Variants in NRG1 observed in about 807,000 individuals in gnomAD.
The protein encoded by NRG1 is neuregulin 1, also known as pro-neuregulin-1, membrane-bound isoform.
Under a neutral mutation model 63.8 loss-of-function variants are expected in NRG1, and 18 were observed. The ratio of observed to expected loss-of-function variants is 0.28; its 90% CI spans 0.19 to 0.42. NRG1 has a LOEUF of 0.42. Ranked by LOEUF, NRG1 falls within the 10% of genes least tolerant of loss-of-function variation. The pLI is 1.00. For synonymous variants in NRG1, 302 were observed against 301.3 expected, an observed-to-expected ratio of 1.00 and a Z score of -0.02; for missense variants, 762 against 814.7, an observed-to-expected ratio of 0.94 and a Z score of 0.79.
chr8:32,722,423 T>C (rs1189796505), intron 5 of NRG1, among the ~76,000 whole-genome samples: 1 of 152,226 alleles, frequency 6.6e-6, no homozygotes, highest in East Asian at 1.9e-4. Context: ...TACAGTATTA[T>C]TTTCTTTTTA....
At chr8:32,695,715 C>T (rs1321488373) in intron 5 of NRG1, among the ~76,000 whole-genome samples, 1 of 152,182 alleles carries the variant, frequency 6.6e-6, no homozygotes, top group African/African-American at 2.4e-5. Flanking sequence ...TCAAATGGCA[C>T]ATGGTCAGAA....
intron 5 of NRG1, among the ~76,000 whole-genome samples, chr8:32,687,488 T>C (rs1810473067): frequency 6.6e-6 from 1 of 152,192 alleles, no homozygotes; most frequent in Non-Finnish European, 1.5e-5. Context: ...AGCCCGAGTC[T>C]GAACGCACTG....
At chr8:32,356,122 G>A (rs989744522) in intron 1 of NRG1, among the ~76,000 whole-genome samples, 16 of 152,162 alleles carry the variant, frequency 1.1e-4, no homozygotes, top group Non-Finnish European at 1.5e-4. Flanking sequence ...GCCAAGTAGA[G>A]CACTGAGATT....
At chr8:31,654,596 A>G (rs1432822385) in intron 1 of NRG1, among the ~76,000 whole-genome samples, 3 of 152,212 alleles carry the variant, frequency 2.0e-5, no homozygotes, top group South Asian at 4.1e-4. Flanking sequence ...TCACAGGTCA[A>G]TAAGGGATAT....
chr8:31,900,781 C>T (rs999835038), intron 1 of NRG1, among the ~76,000 whole-genome samples: 4 of 152,174 alleles, frequency 2.6e-5, no homozygotes, highest in African/African-American at 9.6e-5. Context: ...TTTTTAATCA[C>T]TTTCTATAGC....
Position 31,648,467 on chromosome 8 carries a change from A to G in NRG1, c.37+9036A>G, listed in dbSNP as rs562307764. On this transcript the variant is annotated intron_variant, in intron 1 of 10. Transcript: ENST00000519301. The stretch of plus-strand genomic sequence containing the variant: ...TAAGTGTAGAGTTCAGCAGTATTCA[A>G]TACATTCGTAATGTTGTACAACTAT... 4.6e-5 allele frequency among the ~76,000 whole-genome samples: 7 copies of G among 152,174 alleles called. No individual in the cohort carries two copies. In the East Asian group the frequency reaches 7.7e-4, roughly 17 times the overall value.
chr8:31,822,444 T>C (rs750176693), intron 1 of NRG1, among the ~76,000 whole-genome samples: 6 of 152,128 alleles, frequency 3.9e-5, no homozygotes, highest in African/African-American at 7.2e-5. Context: ...CAATGTCACT[T>C]CTGCTCACAG....
intron 1 of NRG1, among the ~76,000 whole-genome samples, chr8:31,642,279 A>G (rs561512123): frequency 1.4e-4 from 21 of 152,316 alleles, no homozygotes; most frequent in African/African-American, 4.8e-4. Flanking sequence ...TCCAGTTTTC[A>G]TATGTTTTAT....
intron 1 of NRG1, among the ~76,000 whole-genome samples, chr8:32,010,808 C>T (rs1057094346): frequency 4.6e-5 from 7 of 151,896 alleles, no homozygotes; most frequent in African/African-American, 1.4e-4. Context: ...AGAGAGTTAC[C>T]GTCATCAGAG....
chr8:32,598,532 G>C (rs1843755355), intron 2 of NRG1, among the ~76,000 whole-genome samples: 1 of 152,172 alleles, frequency 6.6e-6, no homozygotes, highest in African/African-American at 2.4e-5. Flanking sequence ...TAAGAGCACT[G>C]TCTACATATT....
At chr8:32,521,136 TAG>T (rs1830304687) in intron 1 of NRG1, among the ~76,000 whole-genome samples, 1 of 152,170 alleles carries the variant, frequency 6.6e-6, no homozygotes, top group Admixed American at 6.5e-5. Context: ...ATAGTATATA[TAG>T]GGTTTGGTAC....
intron 1 of NRG1, among the ~76,000 whole-genome samples, chr8:31,653,278 C>T (rs1420293570): frequency 6.6e-6 from 1 of 151,882 alleles, no homozygotes; most frequent in Non-Finnish European, 1.5e-5. Context: ...CTATGTCTTA[C>T]TTATCTTTGT....
intron 1 of NRG1, among the ~76,000 whole-genome samples, chr8:31,656,377 G>C (rs887371640): frequency 2.0e-5 from 3 of 152,160 alleles, no homozygotes; most frequent in Non-Finnish European, 4.4e-5. Flanking sequence ...AAATGTAAGA[G>C]TGCACATTGC....
chr8:31,694,027 G>A (rs1173956661), intron 1 of NRG1, among the ~76,000 whole-genome samples: 6 of 152,062 alleles, frequency 3.9e-5, no homozygotes, highest in African/African-American at 1.4e-4. Flanking sequence ...CATTTTTGTA[G>A]AAATGAGGTT....
intron 5 of NRG1, among the ~76,000 whole-genome samples, chr8:32,655,887 C>T (rs1023110879): frequency 2.8e-4 from 42 of 152,202 alleles, no homozygotes; most frequent in African/African-American, 9.6e-4. Context: ...GGAAAACAAT[C>T]TATACAGTTT....
intron 1 of NRG1, among the ~76,000 whole-genome samples, chr8:32,569,830 G>A (rs888139811): frequency 2.0e-5 from 3 of 150,372 alleles, no homozygotes; most frequent in Non-Finnish European, 4.4e-5. Context: ...TTTCCCATCC[G>A]TTTTCATCTC....
chr8:32,082,649 A>G (rs1321134221), intron 1 of NRG1, among the ~76,000 whole-genome samples: 1 of 152,146 alleles, frequency 6.6e-6, no homozygotes, highest in Non-Finnish European at 1.5e-5. Flanking sequence ...GTCAGTCCTC[A>G]ATCTGGCAAG....
chr8:32,071,667 GA>G (rs1825774561), intron 1 of NRG1, among the ~76,000 whole-genome samples: 1 of 152,166 alleles, frequency 6.6e-6, no homozygotes, highest in Admixed American at 6.5e-5. Flanking sequence ...TTTCTTTCAT[GA>G]TAACTATTTT....
At chr8:32,057,195 G>C (rs1823089137) in intron 1 of NRG1, among the ~76,000 whole-genome samples, 1 of 152,054 alleles carries the variant, frequency 6.6e-6, no homozygotes, top group Non-Finnish European at 1.5e-5. Context: ...CTTCTAATTC[G>C]TGTGAATAGA....
Sources: gnomAD v4.1 joint callset for allele counts (sites outside exome capture counted in the v4.1 genomes callset) on GRCh38, gnomAD v4.1.1 for gene constraint, MANE v1.5 for transcripts, NCBI Gene and HGNC (gene_info 2026-07-23, HGNC 2026-07-21) for gene names.